RBM22: variants seen among roughly 807,000 people sequenced by gnomAD.
RBM22 encodes the protein pre-mRNA-splicing factor RBM22.
Under a neutral mutation model 50.1 loss-of-function variants are expected in RBM22, and 1 was observed. The observed-to-expected ratio is 0.02, with a 90% CI of 0.01 to 0.09. The LOEUF is 0.09. RBM22 is among the 10% of genes least tolerant of loss of function. RBM22 has a pLI of 1.00. For missense variants in RBM22, 264 were observed against 529.3 expected (o/e 0.50, Z 4.92); for synonymous variants, 152 against 179.0 (o/e 0.85, Z 1.20).
At chr5:150,695,053 G>A (rs1174522760) in intron 7 of RBM22, among the ~76,000 whole-genome samples, 1 of 152,150 alleles carries the variant, frequency 6.6e-6, no homozygotes, top group Non-Finnish European at 1.5e-5. Context: ...CTGAGACAGG[G>A]TCTCACTCTG....
intron 1 of RBM22, 50 bp from the exon 2 acceptor site, chr5:150,700,547 C>A (rs771441567): frequency 1.2e-6 from 2 of 1,612,980 alleles, no homozygotes; most frequent in Non-Finnish European, 1.7e-6. Flanking sequence ...AAGACCCTGA[C>A]ACCTCAGTGA....
intron 8 of RBM22, 100 bp downstream of exon 8, chr5:150,693,976 C>T (rs1581545826): frequency 7.1e-7 from 1 of 1,401,686 alleles, no homozygotes; most frequent in Non-Finnish European, 9.7e-7. Flanking sequence ...AGATCCTGTT[C>T]ATTTAAGCCT....
intron 10 of RBM22, 111 bp from the exon 11 acceptor site, chr5:150,691,992 C>A: frequency 8.3e-7 from 1 of 1,202,624 alleles, no homozygotes; most frequent in Non-Finnish European, 1.1e-6. Flanking sequence ...AAGGTTGACA[C>A]GGGGCTTAAG....
At chr5:150,695,980 C>A (rs1300565267) in intron 6 of RBM22, among the ~76,000 whole-genome samples, 1 of 148,192 alleles carries the variant, frequency 6.7e-6, no homozygotes, top group Non-Finnish European at 1.5e-5. Context: ...ACATGATCCA[C>A]CCCCTCCCGC....
In RBM22 at chr5:150,693,128, G is replaced by A. The variant is rs890582018; in HGVS notation, c.1000+91C>T. On this transcript the variant is annotated intron_variant, in intron 9 of 10. Transcript: ENST00000199814. ...AGAGGTCCTACTGGGAGAGTAGAGCGGCAACATGAACCAGACCTGGGTCCC... is the reference window on the plus strand; with the variant it reads ...AGAGGTCCTACTGGGAGAGTAGAGCAGCAACATGAACCAGACCTGGGTCCC... 31 of 1,544,954 alleles carry A rather than the reference G, an allele frequency of 2.0e-5. No homozygotes were observed. In the South Asian group the frequency reaches 2.6e-4, roughly 13 times the overall value.
chr5:150,691,794 G>C lies in RBM22; in HGVS notation c.1220C>G (p.Pro407Arg), dbSNP rs202056255. The C allele has an allele frequency of 6.3e-7, 1 of 1,597,680 alleles. No homozygotes were observed. ...TCCAGCATGAGCTCCCATCCTCTGA[G>C]GGTCCTGAGAAGGATAGTGGATTGG... ...PGPIHYPSQD[P>R]QRMGAHAGKH... The change falls in exon 11 of 11, where the codon CCT becomes CGT. Residue 407 changes from proline to arginine, a missense_variant. Around this residue, in one of 7 missense-constraint regions of RBM22, gnomAD observed 106 missense variants for 137.1 expected, o/e 0.77. Transcript: ENST00000199814.
Position 150,701,025 on chromosome 5 carries a change from G to C in RBM22, c.-40C>G. ...GAGGTAGCTGTAGCTTCCGAATTGGGAGAGAGGACCGCCACAATCCCGTCA... is the reference window on the plus strand; with the variant it reads ...GAGGTAGCTGTAGCTTCCGAATTGGCAGAGAGGACCGCCACAATCCCGTCA... On this transcript the variant is annotated 5_prime_UTR_variant, in exon 1 of 11. Transcript: ENST00000199814. 1 of 1,611,986 alleles carries C rather than the reference G, an allele frequency of 6.2e-7. No individual in the cohort carries two copies. Among genetic ancestry groups the C allele is most frequent in the Non-Finnish European group, 8.5e-7 (1 of 1,178,614 alleles).
intron 2 of RBM22, among the ~76,000 whole-genome samples, 164 bp downstream of exon 2, chr5:150,700,280 A>T (rs1759328587): frequency 6.6e-6 from 1 of 152,204 alleles, no homozygotes; most frequent in South Asian, 2.1e-4. Context: ...GTGTTACCGG[A>T]TTCGTAAGAG....
chr5:150,696,430 T>A lies in RBM22; in HGVS notation c.545+103A>T. ...CATGAGGTATACCACATTAGTTGTA[T>A]GACCTTTAGATTTTAAAGCAGAAAC... On this transcript the variant is annotated intron_variant, in intron 6 of 10. Coordinates refer to ENST00000199814, the MANE Select transcript of RBM22 (RefSeq NM_018047.3). The surrounding 1 kb of genome is among the most constrained non-coding windows in gnomAD (Gnocchi z 4.3). 1 of 1,269,938 alleles carries A rather than the reference T, an allele frequency of 7.9e-7. No homozygotes were observed. Among genetic ancestry groups the A allele is most frequent in the Non-Finnish European group, 1.1e-6 (1 of 912,110 alleles). The allele number at this position is 1,269,938 out of a possible 1,614,324, so 78.7% of individuals were successfully genotyped here.
intron 2 of RBM22, among the ~76,000 whole-genome samples, 154 bp from the exon 3 acceptor site, chr5:150,699,425 C>CT (rs1033638121): frequency 1.3e-5 from 2 of 152,132 alleles, no homozygotes; most frequent in African/African-American, 4.8e-5. Context: ...AAAACCCAAC[C>CT]TTTTTTGGGA....
chr5:150,701,027 G>A lies in RBM22; in HGVS notation c.-42C>T, dbSNP rs912030712. On this transcript the variant is annotated 5_prime_UTR_variant, in exon 1 of 11. Transcript: ENST00000199814. ...GGTAGCTGTAGCTTCCGAATTGGGA[G>A]AGAGGACCGCCACAATCCCGTCAAG... The A allele has an allele frequency of 6.2e-7, 1 of 1,610,034 alleles. No individual in the cohort carries two copies. The highest frequency in any genetic ancestry group is 8.5e-7 in the Non-Finnish European group (1 of 1,177,168).
chr5:150,699,148 C>T, intron 3 of RBM22, 94 bp downstream of exon 3: 2 of 1,483,644 alleles, frequency 1.3e-6, no homozygotes, highest in Middle Eastern at 2.0e-4. Flanking sequence ...CTGATTTTTA[C>T]TGGAAGACCT....
At chr5:150,700,835 G>C (rs750171408) in intron 1 of RBM22, 97 bp downstream of exon 1, 1 of 1,610,662 alleles carries the variant, frequency 6.2e-7, no homozygotes, top group South Asian at 1.1e-5. Context: ...GCTCCTCCCC[G>C]GTATTCCTTC....
intron 8 of RBM22, among the ~76,000 whole-genome samples, chr5:150,693,510 C>A (rs1036478874): frequency 6.6e-6 from 1 of 152,206 alleles, no homozygotes; most frequent in Non-Finnish European, 1.5e-5. Context: ...GCTGCTAGAA[C>A]TATCATAAGG....
intron 2 of RBM22, 93 bp downstream of exon 2, chr5:150,700,351 T>C: frequency 7.8e-7 from 1 of 1,288,614 alleles, no homozygotes; most frequent in Non-Finnish European, 1.1e-6. Context: ...AGAGCATCAT[T>C]TTTTCTGCTT....
chr5:150,691,537 CAGTA>C lies in RBM22; in HGVS notation c.*210_*213del. 2.2e-6 allele frequency: 1 copy of C among 453,120 alleles called. No individual in the cohort carries two copies. Among genetic ancestry groups the C allele is most frequent in the Non-Finnish European group, 3.6e-6 (1 of 276,944 alleles). 28.1% of individuals were successfully genotyped at this position (453,120 alleles called of 1,614,324 possible). On this transcript the variant is annotated 3_prime_UTR_variant, in exon 11 of 11. Coordinates refer to ENST00000199814, the MANE Select transcript of RBM22 (RefSeq NM_018047.3). ...TTCGGTTTTATTAGTCATGTTACAG[CAGTA>C]ACCAGATGTGTTAATGGCAGCTTAT...
intron 3 of RBM22, among the ~76,000 whole-genome samples, chr5:150,698,981 A>G (rs1352090111): frequency 6.6e-6 from 1 of 152,194 alleles, no homozygotes; most frequent in Non-Finnish European, 1.5e-5. Context: ...AAAATGCTCG[A>G]GTGGACAGTC....
intron 3 of RBM22, among the ~76,000 whole-genome samples, 161 bp from the exon 4 acceptor site, chr5:150,698,792 G>A (rs1179944332): frequency 1.3e-5 from 2 of 152,172 alleles, no homozygotes; most frequent in Admixed American, 6.5e-5. Flanking sequence ...ACAATTTTCA[G>A]CATCCTTCTC....
chr5:150,696,922 G>T lies in RBM22; in HGVS notation c.272-31C>A. The T allele has an allele frequency of 6.3e-7, 1 of 1,594,482 alleles. No individual in the cohort carries two copies. The highest frequency in any genetic ancestry group is 1.7e-5 in the Admixed American group (1 of 59,874). On this transcript the variant is annotated intron_variant, in intron 4 of 10. Transcript: ENST00000199814. The surrounding 1 kb of genome is among the most constrained non-coding windows in gnomAD (Gnocchi z 4.3). ...ACAAAAAAAGAGGAAAAAGACCTCA[G>T]ATGTATTTTAAAACATATCCATACT... is the stretch of plus-strand genomic sequence containing the variant.
Sources: allele counts gnomAD v4.1 joint callset (sites outside exome capture counted in the v4.1 genomes callset), GRCh38; gene constraint gnomAD v4.1.1; regional missense constraint gnomAD v4.1.1; non-coding constraint Gnocchi (gnomAD v3.1); transcripts MANE v1.5; gene names NCBI Gene and HGNC (gene_info 2026-07-23, HGNC 2026-07-21).